Variants in PIBF1 observed in about 807,000 individuals in gnomAD.
PIBF1 encodes the protein progesterone-induced-blocking factor 1.
In PIBF1, 90 loss-of-function variants were observed where a neutral mutation model predicts 112.5. That is an observed-to-expected ratio of 0.80 (90% CI 0.67 to 0.95). The LOEUF is 0.95. PIBF1 is among the 40% of genes least tolerant of loss of function. PIBF1 has a pLI of 0.00. For synonymous variants in PIBF1, 301 were observed against 288.6 expected, an observed-to-expected ratio of 1.04 and a Z score of -0.44; for missense variants, 915 against 852.3, an observed-to-expected ratio of 1.07 and a Z score of -0.92.
rs186278538 is a variant in PIBF1 at position 72,966,504 on chromosome 13, A to G, written c.1964+1100A>G. Reference sequence around the variant, plus strand: ...GTTCTATAAATAGTTCTTGGGGACAATAGAAATTATGTCTTTCACAATTCA... The same window carrying G: ...GTTCTATAAATAGTTCTTGGGGACAGTAGAAATTATGTCTTTCACAATTCA... On this transcript the variant is annotated intron_variant, in intron 15 of 17. Coordinates refer to ENST00000326291, the MANE Select transcript of PIBF1 (RefSeq NM_006346.4). Among the ~76,000 whole-genome samples, 11 of 152,348 alleles carry G rather than the reference A, an allele frequency of 7.2e-5. No individual in the cohort carries two copies. The East Asian group carries it at 1.3e-3, about 19-fold the overall frequency.
In PIBF1 at chr13:72,934,804, A is replaced by G. The variant is rs898192805; in HGVS notation, c.1833+3537A>G. On this transcript the variant is annotated intron_variant, in intron 14 of 17. Transcript: ENST00000326291. ...GCAGTTTGACATTTGGCACATGAAT[A>G]TACCTATGAAACTATCACCAAAATG... Among the ~76,000 whole-genome samples the G allele has an allele frequency of 1.3e-4, 20 of 152,290 alleles. No individual in the cohort carries two copies. In the East Asian group the frequency reaches 3.3e-3, roughly 25 times the overall value.
At chr13:73,015,055 G>A (rs1485813384) in intron 17 of PIBF1, among the ~76,000 whole-genome samples, 3 of 152,190 alleles carry the variant, frequency 2.0e-5, no homozygotes, top group Admixed American at 2.0e-4. Context: ...CAAAGTACTG[G>A]TATTACAGGC....
At chr13:72,969,306 C>T (rs752299538) in intron 15 of PIBF1, among the ~76,000 whole-genome samples, 36 of 151,972 alleles carry the variant, frequency 2.4e-4, no homozygotes, top group African/African-American at 7.7e-4. Context: ...ATAACAGCAA[C>T]GGTTTTCATA....
At chr13:72,892,787 C>CAG (rs1376721046) in intron 10 of PIBF1, among the ~76,000 whole-genome samples, 200 of 148,478 alleles carry the variant, frequency 1.3e-3, no homozygotes, top group African/African-American at 4.7e-3. Context: ...TCCTGCCTTA[C>CAG]ACACACACAC....
chr13:73,006,454 A>G (rs991849000), intron 17 of PIBF1, among the ~76,000 whole-genome samples: 1 of 152,156 alleles, frequency 6.6e-6, no homozygotes, highest in African/African-American at 2.4e-5. Flanking sequence ...ACAGCTTCAC[A>G]TTTTGTTAGT....
At chr13:72,936,089 G>GT (rs1480105064) in intron 14 of PIBF1, among the ~76,000 whole-genome samples, 2 of 151,974 alleles carry the variant, frequency 1.3e-5, no homozygotes, top group Non-Finnish European at 2.9e-5. Context: ...GCGCAGTGGT[G>GT]TAATCATAGC....
intron 10 of PIBF1, among the ~76,000 whole-genome samples, chr13:72,857,975 T>C (rs2038504971): frequency 6.6e-6 from 1 of 151,662 alleles, no homozygotes. Context: ...TTGGTACAAC[T>C]AATATGAAGA....
chr13:72,846,866 A>T (rs898234955), intron 9 of PIBF1, among the ~76,000 whole-genome samples: 8 of 151,954 alleles, frequency 5.3e-5, no homozygotes, highest in Non-Finnish European at 1.0e-4. Context: ...TCAGTCCTGG[A>T]CTCCCAGGTA....
At chr13:72,808,964 C>A (rs755168347) in intron 5 of PIBF1, among the ~76,000 whole-genome samples, 4 of 152,066 alleles carry the variant, frequency 2.6e-5, no homozygotes, top group East Asian at 1.9e-4. Context: ...TTGAGACCAG[C>A]AATTAAGAAA....
chr13:72,972,617 T>C (rs1009513352), intron 15 of PIBF1, among the ~76,000 whole-genome samples: 1 of 151,200 alleles, frequency 6.6e-6, no homozygotes, highest in African/African-American at 2.4e-5. Context: ...TGAGCCGAGA[T>C]CGCGCCACTG....
rs116540379 is a variant in PIBF1, at chr13:72,874,904, T to C, written c.1323-18880T>C. ...CACCAGAGTGCTACATTTGTTACAA[T>C]TGATGAATCTACACTGACAAATCAT... On this transcript the variant is annotated intron_variant, in intron 10 of 17. Coordinates refer to ENST00000326291, the MANE Select transcript of PIBF1 (RefSeq NM_006346.4). Among the ~76,000 whole-genome samples the C allele has an allele frequency of 7.8e-3, 1,179 of 151,486 alleles. 14 individuals are homozygous for C. The highest frequency in any genetic ancestry group is 0.027 in the African/African-American group (1,108 of 41,268).
chr13:72,832,766 C>A (rs779225020), intron 8 of PIBF1, among the ~76,000 whole-genome samples: 4 of 152,136 alleles, frequency 2.6e-5, no homozygotes, highest in Non-Finnish European at 4.4e-5. Flanking sequence ...CTCTTCTCAA[C>A]AAGTATCTTT....
chr13:72,945,218 A>T (rs2042117564), intron 14 of PIBF1, among the ~76,000 whole-genome samples: 1 of 152,222 alleles, frequency 6.6e-6, no homozygotes, highest in South Asian at 2.1e-4. Flanking sequence ...CTGCAAGGAC[A>T]CAATTTCATT....
At chr13:72,958,949 G>A (rs921952169) in intron 14 of PIBF1, among the ~76,000 whole-genome samples, 2 of 152,028 alleles carry the variant, frequency 1.3e-5, no homozygotes, top group Non-Finnish European at 2.9e-5. Context: ...AGTAGGACTG[G>A]GGCCCACCAG....
At chr13:72,819,202 T>C (rs1318996334) in intron 5 of PIBF1, among the ~76,000 whole-genome samples, 2 of 152,150 alleles carry the variant, frequency 1.3e-5, no homozygotes, top group Admixed American at 6.6e-5. Flanking sequence ...GGCTGTGGCC[T>C]GTAGCAAATT....
intron 5 of PIBF1, among the ~76,000 whole-genome samples, chr13:72,820,676 C>T (rs1380708294): frequency 2.0e-5 from 3 of 152,146 alleles, no homozygotes; most frequent in African/African-American, 4.8e-5. Flanking sequence ...ACCAGTCACA[C>T]AGAAATGATC....
chr13:72,912,634 G>A (rs9530112), intron 12 of PIBF1, among the ~76,000 whole-genome samples: 16,762 of 152,126 alleles, frequency 0.11, 1,270 homozygotes, highest in Non-Finnish European at 0.17. Context: ...GAAAGCATAT[G>A]CACCTTAAAA....
chr13:73,015,790 T>G, intron 17 of PIBF1, 79 bp from the exon 18 acceptor site: 1 of 669,196 alleles, frequency 1.5e-6, no homozygotes, highest in Non-Finnish European at 2.3e-6. Flanking sequence ...AAAACCTCAA[T>G]GTATATAGTT....
At chr13:72,799,421 C>A (rs2137988723) in intron 5 of PIBF1, among the ~76,000 whole-genome samples, 1 of 152,304 alleles carries the variant, frequency 6.6e-6, no homozygotes, top group South Asian at 2.1e-4. Context: ...GCTTAGCTTC[C>A]TCTCCTCTGA....
Sources: allele counts gnomAD v4.1 joint callset (sites outside exome capture counted in the v4.1 genomes callset), GRCh38; gene constraint gnomAD v4.1.1; transcripts MANE v1.5; gene names NCBI Gene and HGNC (gene_info 2026-07-23, HGNC 2026-07-21).